The following PAK1 variants were observed in gnomAD, a reference collection of about 807,000 sequenced individuals.
PAK1 encodes the protein serine/threonine-protein kinase PAK 1.
PAK1 carries 29 observed loss-of-function variants against 67.4 expected under a neutral mutation model. The ratio of observed to expected loss-of-function variants is 0.43; its 90% CI spans 0.32 to 0.59. The LOEUF is 0.59. Among genes scored for constraint, PAK1 ranks in the 20% least tolerant of loss-of-function variants. The pLI is 0.07. For missense variants in PAK1, 337 were observed against 670.7 expected, an observed-to-expected ratio of 0.50 and a Z score of 5.50; for synonymous variants, 223 against 237.4, an observed-to-expected ratio of 0.94 and a Z score of 0.56.
chr11:77,471,781 C>T (rs1304449807), intron 1 of PAK1, among the ~76,000 whole-genome samples: 1 of 152,182 alleles, frequency 6.6e-6, no homozygotes, highest in Non-Finnish European at 1.5e-5. Flanking sequence ...ATGCACAGTA[C>T]CTTCCTTTGA....
At chr11:77,335,938 G>T in intron 13 of PAK1, 148 bp downstream of exon 13, 7 of 467,868 alleles carry the variant, frequency 1.5e-5, no homozygotes, top group Non-Finnish European at 2.3e-5. Flanking sequence ...CTTTTCTTTG[G>T]CCATTTATAC....
chr11:77,434,114 T>C (rs1423776216), intron 1 of PAK1, among the ~76,000 whole-genome samples: 1 of 152,216 alleles, frequency 6.6e-6, no homozygotes, highest in African/African-American at 2.4e-5. Flanking sequence ...AGTTAGCACA[T>C]GACCCTGCAA....
intron 1 of PAK1, among the ~76,000 whole-genome samples, chr11:77,449,894 T>C (rs1299773742): frequency 6.6e-6 from 1 of 152,132 alleles, no homozygotes; most frequent in Admixed American, 6.5e-5. Flanking sequence ...CAATCAGACA[T>C]GCATCTTCAA....
intron 14 of PAK1, among the ~76,000 whole-genome samples, chr11:77,327,029 T>C (rs1368172476): frequency 6.6e-6 from 1 of 151,994 alleles, no homozygotes; most frequent in Non-Finnish European, 1.5e-5. Context: ...GAAGAAAGGG[T>C]ATCAGTGATG....
At chr11:77,327,666 G>A (rs1307101303) in intron 14 of PAK1, among the ~76,000 whole-genome samples, 1 of 152,228 alleles carries the variant, frequency 6.6e-6, no homozygotes, top group Admixed American at 6.5e-5. Context: ...ACCAGTACCA[G>A]CCACTGCAAA....
At chr11:77,324,790 GAC>G (rs1565565551) in intron 14 of PAK1, among the ~76,000 whole-genome samples, 15 of 148,062 alleles carry the variant, frequency 1.0e-4, no homozygotes, top group African/African-American at 3.4e-4. Flanking sequence ...GAGAGAGAGA[GAC>G]AGAGAGAGAG....
rs2136514221 is a variant in PAK1 at position 77,355,784 on chromosome 11, G to A, written c.656C>T (p.Thr219Ile). ...LPVTPTRDVA[T>I]SPISPTENNT... ...ATTTTCAGTAGGTGAAATGGGAGAT[G>A]TAGCCACGTCCCGAGTTGGAGTGAC... Residue 219 changes from threonine (T) to isoleucine (I), a missense_variant, in exon 7 of 15, where the codon ACA (threonine) becomes ATA (isoleucine). Thr to Ile is a moderately conservative substitution (Grantham distance 89). This residue lies in a region of PAK1 where 150 missense variants were observed against 179.0 expected (regional missense o/e 0.84). Transcript: ENST00000356341. 1 of 1,613,436 alleles carries A rather than the reference G, an allele frequency of 6.2e-7. No individual in the cohort carries two copies. Among genetic ancestry groups the A allele is most frequent in the Non-Finnish European group, 8.5e-7 (1 of 1,179,428 alleles).
chr11:77,516,530 A>T, the PAK1 span, among the ~76,000 whole-genome samples: 1 of 152,214 alleles, frequency 6.6e-6, no homozygotes, highest in African/African-American at 2.4e-5. Context: ...CAGGTATTAT[A>T]TAATTACTGT....
At chr11:77,347,478 C>T (rs1373961140) in intron 9 of PAK1, among the ~76,000 whole-genome samples, 1 of 152,204 alleles carries the variant, frequency 6.6e-6, no homozygotes, top group Non-Finnish European at 1.5e-5. Flanking sequence ...AATAATATTA[C>T]CTACCTCATA....
At chr11:77,451,881 G>A (rs1350482517) in intron 1 of PAK1, among the ~76,000 whole-genome samples, 3 of 142,572 alleles carry the variant, frequency 2.1e-5, no homozygotes, top group East Asian at 3.9e-4. Flanking sequence ...TTACAGGCGT[G>A]AGCCACCACG....
chr11:77,326,199 G>C (rs1361787175), intron 14 of PAK1, among the ~76,000 whole-genome samples: 1 of 152,130 alleles, frequency 6.6e-6, no homozygotes, highest in Non-Finnish European at 1.5e-5. Context: ...CCTGCTAAAG[G>C]CAATTTTTGC....
intron 1 of PAK1, among the ~76,000 whole-genome samples, chr11:77,399,626 G>A (rs566727988): frequency 1.7e-4 from 26 of 152,054 alleles, no homozygotes; most frequent in South Asian, 8.3e-4. Context: ...TTGGGAGGCC[G>A]AGGCTGGCGG....
intron 14 of PAK1, among the ~76,000 whole-genome samples, chr11:77,329,896 G>A (rs1357634797): frequency 6.6e-6 from 1 of 152,166 alleles, no homozygotes; most frequent in East Asian, 1.9e-4. Context: ...CATCATCTCA[G>A]CCCAAAATCT....
chr11:77,336,116 C>T lies in PAK1; in HGVS notation c.1383G>A (p.Glu461=). ...GIMAIEMIEG[E]PPYLNENPLR... is the part of the protein sequence containing the mutation. ...GAGGGTTTTCATTGAGGTATGGAGGCTCCCCTTCAATCATTTCGATGGCCA... is the reference window on the plus strand; with the variant it reads ...GAGGGTTTTCATTGAGGTATGGAGGTTCCCCTTCAATCATTTCGATGGCCA... The change falls in exon 13 of 15, where the codon GAG becomes GAA. Residue 461 remains glutamate, a synonymous_variant. Coordinates refer to ENST00000356341, the MANE Select transcript of PAK1 (RefSeq NM_002576.5). 1 of 1,611,830 alleles carries T rather than the reference C, an allele frequency of 6.2e-7. No homozygotes were observed. The highest frequency in any genetic ancestry group is 8.5e-7 in the Non-Finnish European group (1 of 1,178,062).
chr11:77,413,853 A>T (rs1954801461), intron 1 of PAK1, among the ~76,000 whole-genome samples: 1 of 152,152 alleles, frequency 6.6e-6, no homozygotes, highest in South Asian at 2.1e-4. Context: ...CCTTCATCCC[A>T]ATTTACACAG....
At chr11:77,393,248 C>T (rs1335453473) in intron 1 of PAK1, among the ~76,000 whole-genome samples, 2 of 149,934 alleles carry the variant, frequency 1.3e-5, no homozygotes, top group Non-Finnish European at 3.0e-5. Flanking sequence ...CCAGTGTTTC[C>T]CTCCTCTGAA....
At chr11:77,434,054 A>G (rs1955990904) in intron 1 of PAK1, among the ~76,000 whole-genome samples, 1 of 151,920 alleles carries the variant, frequency 6.6e-6, no homozygotes, top group African/African-American at 2.4e-5. Flanking sequence ...GTAAAATGGT[A>G]CAGCCCCTTT....
chr11:77,418,333 C>A (rs1337491287), intron 1 of PAK1, among the ~76,000 whole-genome samples: 1 of 152,196 alleles, frequency 6.6e-6, no homozygotes, highest in African/African-American at 2.4e-5. Context: ...GTCCTGTTTG[C>A]AATGATCCTC....
At chr11:77,483,467 A>G in the PAK1 span, among the ~76,000 whole-genome samples, 1 of 152,234 alleles carries the variant, frequency 6.6e-6, no homozygotes, top group Non-Finnish European at 1.5e-5. Flanking sequence ...TACATATTGA[A>G]TGATTCCATT....
Sources: allele counts gnomAD v4.1 joint callset (sites outside exome capture counted in the v4.1 genomes callset), GRCh38; gene constraint gnomAD v4.1.1; regional missense constraint gnomAD v4.1.1; transcripts MANE v1.5; gene names NCBI Gene and HGNC (gene_info 2026-07-23, HGNC 2026-07-21).